NT5C1B: variants seen among roughly 807,000 people sequenced by gnomAD.
NT5C1B encodes cytosolic 5'-nucleotidase 1B.
In NT5C1B, 44 loss-of-function variants were observed where a neutral mutation model predicts 57.8. The observed-to-expected ratio is 0.76, with a 90% CI of 0.60 to 0.98. The LOEUF (loss-of-function observed/expected upper bound fraction) is 0.98, where lower values mean the gene tolerates loss of function less well. Ranked by LOEUF, NT5C1B falls within the 50% of genes least tolerant of loss-of-function variation. The pLI is 0.00. For missense variants in NT5C1B, 742 were observed against 719.5 expected, an observed-to-expected ratio of 1.03 and a Z score of -0.36; for synonymous variants, 284 against 282.6, an observed-to-expected ratio of 1.00 and a Z score of -0.05.
chr2:18,574,156 C>T (rs1163172443), intron 8 of NT5C1B, among the ~76,000 whole-genome samples: 1 of 151,950 alleles, frequency 6.6e-6, no homozygotes, highest in Non-Finnish European at 1.5e-5. Context: ...TAAAAATGGG[C>T]AAAGGACTTG....
chr2:18,583,820 G>A, intron 5 of NT5C1B: 1 of 648,762 alleles, frequency 1.5e-6, no homozygotes. Context: ...CTTCGAGGGA[G>A]AGAGGTTTCT....
chr2:18,565,255 GTTGT>G (rs1664541440), intron 8 of NT5C1B, among the ~76,000 whole-genome samples: 1 of 151,932 alleles, frequency 6.6e-6, no homozygotes. Context: ...CATTTGTACG[GTTGT>G]TTTAGTTTTA....
At chr2:18,571,412 A>G (rs1282403305) in intron 8 of NT5C1B, among the ~76,000 whole-genome samples, 4 of 152,110 alleles carry the variant, frequency 2.6e-5, no homozygotes, top group Non-Finnish European at 5.9e-5. Context: ...CATTTATGAT[A>G]GTACCAAAAT....
Position 18,584,193 on chromosome 2 carries a change from G to T in NT5C1B, c.786C>A (p.Asp262Glu), listed in dbSNP as rs543116360. The change falls in exon 5 of 9, where the codon GAC becomes GAA. Residue 262 changes from aspartate (D) to glutamate (E), a missense_variant. Transcript: ENST00000304081. The surrounding 1 kb of genome is among the most constrained non-coding windows in gnomAD (Gnocchi z 5.8). ...CCTCTTGCTCGTAGATTTTCCTGCC[G>T]TCCACCATGTTGAAGAGCGCGCAGG... is the stretch of plus-strand genomic sequence containing the variant. 5 of 1,614,094 alleles carry T rather than the reference G, an allele frequency of 3.1e-6. No homozygotes were observed. The East Asian group carries it at 6.7e-5, about 22-fold the overall frequency.
rs1666979427 is a variant in NT5C1B, at chr2:18,589,181, C to T, written c.30+258G>A. 1.3e-5 allele frequency among the ~76,000 whole-genome samples: 2 copies of T among 152,232 alleles called. 1 individual carries two copies. The highest frequency in any genetic ancestry group is 1.3e-4 in the Admixed American group (2 of 15,292). ...CATATGAGTATATGCTAAATGAATA[C>T]TGACTTATTGGAATCATTTATATAC... On this transcript the variant is annotated intron_variant, in intron 1 of 8. Coordinates refer to ENST00000304081, the Ensembl canonical transcript of NT5C1B.
In NT5C1B at chr2:18,576,906, G is replaced by T; in HGVS notation, c.1022-11C>A. The T allele has an allele frequency of 2.5e-6, 4 of 1,613,104 alleles. No individual in the cohort carries two copies. The highest frequency in any genetic ancestry group is 3.4e-6 in the Non-Finnish European group (4 of 1,179,594). ...GGTCAATCAGTAAGCCTATTATCAGGCAAGAAAGACTTTGTTATGACAGAG... is the reference window on the plus strand; with the variant it reads ...GGTCAATCAGTAAGCCTATTATCAGTCAAGAAAGACTTTGTTATGACAGAG... On this transcript the variant is annotated splice_polypyrimidine_tract_variant and intron_variant, in intron 6 of 8. Transcript: ENST00000304081.
At chr2:18,568,856 C>T (rs187014739) in intron 8 of NT5C1B, among the ~76,000 whole-genome samples, 17 of 152,310 alleles carry the variant, frequency 1.1e-4, no homozygotes, top group African/African-American at 4.1e-4. Flanking sequence ...GTTCATGTTA[C>T]ATATGTTGAT....
intron 5 of NT5C1B, 141 bp downstream of exon 5, chr2:18,583,947 C>T: frequency 1.4e-6 from 2 of 1,466,334 alleles, no homozygotes; most frequent in South Asian, 1.2e-5. Context: ...CATAAACTGA[C>T]CTGGGTCAGC....
At chr2:18,572,270 G>C (rs1665275880) in intron 8 of NT5C1B, among the ~76,000 whole-genome samples, 1 of 152,130 alleles carries the variant, frequency 6.6e-6, no homozygotes, top group Admixed American at 6.6e-5. Flanking sequence ...CACAACTTGT[G>C]CTTTGCACAA....
At position 18,582,952 on chromosome 2, in the gene NT5C1B, C is replaced by A; in HGVS notation, c.937G>T (p.Glu313Ter). The change falls in exon 6 of 9, where the codon GAA becomes TAA. Residue 313 changes from glutamate (E) to a stop codon, truncating the protein, a stop_gained. Coordinates refer to ENST00000304081, the Ensembl canonical transcript of NT5C1B. LOFTEE classifies it high-confidence loss of function. ...AGTACAATATCAAATAAGTCCTGTT[C>A]ATCAGGATATAGATCACGGAGTCTA... 1 of 1,614,068 alleles carries A rather than the reference C, an allele frequency of 6.2e-7. No homozygotes were observed. Among genetic ancestry groups the A allele is most frequent in the Non-Finnish European group, 8.5e-7 (1 of 1,179,974 alleles).
rs537734423 is a variant in NT5C1B, at chr2:18,587,613, T to C, written c.31-21A>G. The C allele has an allele frequency of 3.1e-6, 5 of 1,601,838 alleles. No individual in the cohort carries two copies. The African/African-American group carries it at 6.8e-5, about 22-fold the overall frequency. ...TCATTCTTGACAAGGAAACAAAGAA[T>C]GTTTATTAATTTTTAATCTCAGGGC... On this transcript the variant is annotated intron_variant, in intron 1 of 8. Transcript: ENST00000304081.
intron 6 of NT5C1B, among the ~76,000 whole-genome samples, chr2:18,580,495 A>T (rs1178636318): frequency 6.6e-6 from 1 of 152,146 alleles, no homozygotes; most frequent in Non-Finnish European, 1.5e-5. Flanking sequence ...CATGCCTGTA[A>T]TCCCAGCTAC....
At chr2:18,569,076 T>C (rs140595262) in intron 8 of NT5C1B, among the ~76,000 whole-genome samples, 1 of 152,286 alleles carries the variant, frequency 6.6e-6, no homozygotes, top group East Asian at 1.9e-4. Context: ...TAAAATAATA[T>C]ATGACAACTG....
At chr2:18,586,284 A>G in exon 3 of NT5C1B, 2 of 1,614,124 alleles carry the variant, frequency 1.2e-6, no homozygotes, top group Non-Finnish European at 1.7e-6. Flanking sequence ...TTCTAGGCTC[A>G]TCTATGGATG....
At chr2:18,587,671 A>G in intron 1 of NT5C1B, 79 bp from the exon 2 acceptor site, 2 of 1,485,520 alleles carry the variant, frequency 1.3e-6, no homozygotes, top group Non-Finnish European at 1.8e-6. Context: ...ATAAAAGGAT[A>G]AAGAAAACAC....
intron 2 of NT5C1B, chr2:18,587,190 AAAGT>A: frequency 1.2e-6 from 2 of 1,607,216 alleles, no homozygotes; most frequent in Non-Finnish European, 1.7e-6. Flanking sequence ...GATTGTGCAG[AAAGT>A]GGTCAATGCC....
At chr2:18,582,219 CTT>C (rs1666245822) in intron 6 of NT5C1B, among the ~76,000 whole-genome samples, 1 of 152,172 alleles carries the variant, frequency 6.6e-6, no homozygotes, top group African/African-American at 2.4e-5. Flanking sequence ...AAACTCATAA[CTT>C]ATATCTCGAT....
rs780921078 is a variant in NT5C1B, at chr2:18,586,270, C to T, written c.242G>A (p.Arg81Lys). 9 of 1,614,046 alleles carry T rather than the reference C, an allele frequency of 5.6e-6. No individual in the cohort carries two copies. The South Asian group carries it at 8.8e-5, about 16-fold the overall frequency. The change falls in exon 3 of 9, where the codon AGG becomes AAG. Residue 81 changes from arginine (R) to lysine (K), a missense_variant. Coordinates refer to ENST00000304081, the Ensembl canonical transcript of NT5C1B. Reference sequence around the variant, plus strand: ...TACCTCTACCTTAGCACTGGTGTTCCTGCTTCTAGGCTCATCTATGGATGG... The same window carrying T: ...TACCTCTACCTTAGCACTGGTGTTCTTGCTTCTAGGCTCATCTATGGATGG...
At chr2:18,589,386 A>G in intron 1 of NT5C1B, 53 bp downstream of exon 1, 3 of 1,611,732 alleles carry the variant, frequency 1.9e-6, no homozygotes. Context: ...ATGGACTGAT[A>G]TCCACATTTC....
Sources: allele counts gnomAD v4.1 joint callset (sites outside exome capture counted in the v4.1 genomes callset), GRCh38; gene constraint gnomAD v4.1.1; non-coding constraint Gnocchi (gnomAD v3.1); transcripts MANE v1.5; gene names NCBI Gene and HGNC (gene_info 2026-07-23, HGNC 2026-07-21).